Variants in MATN3 observed in about 807,000 individuals in gnomAD.
MATN3 encodes the protein matrilin 3, also known as matrilin-3.
In MATN3, 48 loss-of-function variants were observed where a neutral mutation model predicts 45.3. The observed-to-expected ratio is 1.06, with a 90% CI of 0.84 to 1.35. The LOEUF (loss-of-function observed/expected upper bound fraction) is 1.35. Among genes scored for constraint, MATN3 ranks in the 40% most tolerant of loss-of-function variants. The pLI is 0.00. For missense variants in MATN3, 599 were observed against 628.0 expected, an observed-to-expected ratio of 0.95 and a Z score of 0.49; for synonymous variants, 217 against 245.9, an observed-to-expected ratio of 0.88 and a Z score of 1.10.
At position 20,006,044 on chromosome 2, in the gene MATN3, G is replaced by C. The variant is rs769632737; in HGVS notation, c.490C>G (p.Leu164Val). Residue 164 changes from leucine (L) to valine (V), a missense_variant, in exon 2 of 8, where the codon CTA becomes GTA. Coordinates refer to ENST00000407540, the MANE Select transcript of MATN3 (RefSeq NM_002381.5). ...TCGTCCATTGCTGTCTGGATGGCTA[G>C]GCCTGACATGGTGCCTGTTGACAAG... ...TPLSTGTMSG[L>V]AIQTAMDEAF... 2.5e-6 allele frequency: 4 copies of C among 1,614,012 alleles called. No homozygotes were observed. In the East Asian group the frequency reaches 8.9e-5, roughly 36 times the overall value.
In MATN3 at chr2:20,012,449, G is replaced by T; in HGVS notation, c.183C>A (p.Pro61=). ...GGCCAGGCTCGCTGGTCCCGGAAGC[G>T]GGCGCGCCGTCGGGAGCCGCAGGAG... The part of the protein sequence containing the change: ...RPSPAAPDGA[P]ASGTSEPGRA... Residue 61 remains proline, a synonymous_variant, in exon 1 of 8, where the codon CCC becomes CCA. Transcript: ENST00000407540. The surrounding 1 kb of genome is among the most constrained non-coding windows in gnomAD (Gnocchi z 4.3). 1 of 1,229,406 alleles carries T rather than the reference G, an allele frequency of 8.1e-7. No individual in the cohort carries two copies. Among genetic ancestry groups the T allele is most frequent in the South Asian group, 4.1e-5 (1 of 24,292 alleles). The allele number at this position is 1,229,406 out of a possible 1,614,324, so 76.2% of individuals were successfully genotyped here. A position where few individuals can be genotyped will look rare whatever the true frequency, so the allele number is the denominator to read the frequency against.
chr2:20,011,927 G>A (rs771664992), intron 1 of MATN3, among the ~76,000 whole-genome samples: 1 of 152,166 alleles, frequency 6.6e-6, no homozygotes, highest in African/African-American at 2.4e-5. Flanking sequence ...ACGGCTCCTC[G>A]GATCTCCTCC....
chr2:20,005,718 T>G lies in MATN3; in HGVS notation c.790+26A>C, dbSNP rs770303469. 3 of 1,514,586 alleles carry G rather than the reference T, an allele frequency of 2.0e-6. No homozygotes were observed. In the East Asian group the frequency reaches 6.9e-5, roughly 35 times the overall value. 93.8% of individuals were successfully genotyped at this position (1,514,586 alleles called of 1,614,324 possible). ...TGTCTGAATATAACATCCTTTCTAG[T>G]TGGAAGCAAAGACTGACCAACTTAC... On this transcript the variant is annotated intron_variant, in intron 2 of 7. Transcript: ENST00000407540.
chr2:20,010,067 T>TAAAAAAAAAAAAAAGAAAAAAAAA (rs1673189101), intron 1 of MATN3, among the ~76,000 whole-genome samples: 1 of 68,706 alleles, frequency 1.5e-5, no homozygotes, highest in Non-Finnish European at 2.5e-5. Flanking sequence ...CTTCAAATAC[T>TAAAAAAAAAAAAAAGAAAAAAAAA]AAAAAAAAAA....
In MATN3 at chr2:20,000,506, G is replaced by A. The variant is rs777510578; in HGVS notation, c.1103C>T (p.Thr368Ile). 6.2e-7 allele frequency: 1 copy of A among 1,612,556 alleles called. No homozygotes were observed. The highest frequency in any genetic ancestry group is 8.5e-7 in the Non-Finnish European group (1 of 1,179,166). ...ATAGCATTCACAATGATGGGACCCT[G>A]TTCTGTCATTCACACAAATGTGCTG... ...GCQHICVNDR[T>I]GSHHCECYEG... The change falls in exon 5 of 8, where the codon ACA (threonine) becomes ATA (isoleucine). Residue 368 changes from threonine to isoleucine, a missense_variant. Physicochemically the swap from Thr to Ile is moderately conservative, Grantham distance 89. Coordinates refer to ENST00000407540, the MANE Select transcript of MATN3 (RefSeq NM_002381.5).
intron 1 of MATN3, among the ~76,000 whole-genome samples, chr2:20,010,066 C>CAAAAAAAAAAAAAAAAAAAAAAA (rs1558376342): frequency 0.012 from 67 of 5,532 alleles, 4 homozygotes; most frequent in Non-Finnish European, 0.015. Context: ...TCTTCAAATA[C>CAAAAAAAAAAAAAAAAAAAAAAA]TAAAAAAAAA....
chr2:19,993,266 G>A, intron 7 of MATN3, 100 bp from the exon 8 acceptor site: 1 of 930,772 alleles, frequency 1.1e-6, no homozygotes, highest in African/African-American at 1.7e-5. Flanking sequence ...TGTCCTATGA[G>A]AAGTGAAAAA....
rs1672784902 is a variant in MATN3 at position 19,992,832 on chromosome 2, C to G, written c.*279G>C. The G allele has an allele frequency of 1.4e-5, 5 of 366,550 alleles. No homozygotes were observed. Among genetic ancestry groups the G allele is most frequent in the Non-Finnish European group, 2.4e-5 (5 of 205,722 alleles). 22.7% of individuals were successfully genotyped at this position (366,550 alleles called of 1,614,324 possible). A position where few individuals can be genotyped will look rare whatever the true frequency, so the allele number is the denominator to read the frequency against. On this transcript the variant is annotated 3_prime_UTR_variant, in exon 8 of 8. Coordinates refer to ENST00000407540, the MANE Select transcript of MATN3 (RefSeq NM_002381.5). ...ATGGCTCAATTAGTAGATAAAGAAA[C>G]ACTAAACTTTTCATTCTATTTCCTA...
chr2:20,010,239 C>CT (rs1673195047), intron 1 of MATN3, among the ~76,000 whole-genome samples: 1 of 152,046 alleles, frequency 6.6e-6, no homozygotes, highest in Non-Finnish European at 1.5e-5. Flanking sequence ...GATATGAACT[C>CT]TGTAATTGAC....
intron 7 of MATN3, 55 bp from the exon 8 acceptor site, chr2:19,993,221 C>A (rs1292818947): frequency 1.5e-6 from 2 of 1,293,776 alleles, no homozygotes; most frequent in Non-Finnish European, 2.2e-6. Flanking sequence ...AAAATATAAA[C>A]ACACTTTCAA....
At chr2:19,998,021 T>C (rs1672913305) in intron 5 of MATN3, among the ~76,000 whole-genome samples, 1 of 152,168 alleles carries the variant, frequency 6.6e-6, no homozygotes, top group Admixed American at 6.5e-5. Flanking sequence ...AAGACATAGG[T>C]TCCTCCTCTG....
Position 20,002,159 on chromosome 2 carries a change from T to TACACACACAC in MATN3, c.917-80_917-79insGTGTGTGTGT, listed in dbSNP as rs534707164. On this transcript the variant is annotated intron_variant, in intron 3 of 7. Coordinates refer to ENST00000407540, the MANE Select transcript of MATN3 (RefSeq NM_002381.5). ...AATTGTGGGCCACGCCACTTACAGT[T>TACACACACAC]ATACACACACACACACACACACACA... The TACACACACAC allele has an allele frequency of 1.9e-3, 1,386 of 723,338 alleles. 18 individuals are homozygous for TACACACACAC. The African/African-American group carries it at 0.031, about 16-fold the overall frequency. 44.8% of individuals were successfully genotyped at this position (723,338 alleles called of 1,614,324 possible).
At position 20,005,927 on chromosome 2, in the gene MATN3, C is replaced by G. The variant is rs1285720740; in HGVS notation, c.607G>C (p.Val203Leu). Residue 203 changes from valine to leucine, a missense_variant, in exon 2 of 8, where the codon GTG (valine) becomes CTG (leucine). Physicochemically the swap from Val to Leu is conservative, Grantham distance 32. Coordinates refer to ENST00000407540, the MANE Select transcript of MATN3 (RefSeq NM_002381.5). ...TGGGCCCGAGCCGCCACCTCATTCA[C>G]CTGGTCCTGGGGCCTCCCATCTGTA... ...IVTDGRPQDQ[V>L]NEVAARAQAS... 6.2e-7 allele frequency: 1 copy of G among 1,613,712 alleles called. No individual in the cohort carries two copies. Among genetic ancestry groups the G allele is most frequent in the South Asian group, 1.1e-5 (1 of 91,024 alleles).
At chr2:19,993,216 A>G (rs1672795093) in intron 7 of MATN3, 50 bp from the exon 8 acceptor site, 2 of 1,327,974 alleles carry the variant, frequency 1.5e-6, no homozygotes, top group African/African-American at 1.4e-5. Context: ...ATTAGAAAAT[A>G]TAAACACACT....
At chr2:20,010,035 A>G (rs961347626) in intron 1 of MATN3, among the ~76,000 whole-genome samples, 20 of 133,450 alleles carry the variant, frequency 1.5e-4, no homozygotes, top group Non-Finnish European at 2.9e-4. Flanking sequence ...ATGGTCACTC[A>G]TGTTTGTCTC....
chr2:20,011,180 G>A (rs1673212865), intron 1 of MATN3, among the ~76,000 whole-genome samples: 1 of 152,218 alleles, frequency 6.6e-6, no homozygotes, highest in Admixed American at 6.5e-5. Flanking sequence ...CGGACTCTAG[G>A]TAATGAAAGA....
intron 3 of MATN3, 54 bp downstream of exon 3, chr2:20,003,107 G>A: frequency 2.5e-6 from 4 of 1,603,022 alleles, no homozygotes; most frequent in South Asian, 1.1e-5. Context: ...CCAAAACCTG[G>A]AGCATAGGTT....
chr2:20,008,201 G>C (rs1321030897), intron 1 of MATN3, among the ~76,000 whole-genome samples: 4 of 152,180 alleles, frequency 2.6e-5, no homozygotes, highest in African/African-American at 9.7e-5. Context: ...AACCTCAGGT[G>C]ATCCTCCCAC....
Position 19,997,143 on chromosome 2 carries a change from T to C in MATN3, c.1285A>G (p.Thr429Ala), listed in dbSNP as rs376487878. The change falls in exon 6 of 8, where the codon ACA becomes GCA. Residue 429 changes from threonine (T) to alanine (A), a missense_variant. Thr to Ala is a moderately conservative substitution (Grantham distance 58). Transcript: ENST00000407540. ...AAGGGCTGATCCTCACCTGAACATG[T>C]TTTCTTGTCCTCATTTAAGGTGTAG... The part of the protein sequence containing the change: ...PGYTLNEDKK[T>A]CSATEEARRL... 29 of 1,613,536 alleles carry C rather than the reference T, an allele frequency of 1.8e-5. No individual in the cohort carries two copies. Among genetic ancestry groups the C allele is most frequent in the Non-Finnish European group, 2.3e-5 (27 of 1,179,752 alleles).
Sources: allele counts gnomAD v4.1 joint callset (sites outside exome capture counted in the v4.1 genomes callset), GRCh38; gene constraint gnomAD v4.1.1; non-coding constraint Gnocchi (gnomAD v3.1); transcripts MANE v1.5; gene names NCBI Gene and HGNC (gene_info 2026-07-23, HGNC 2026-07-21).